The following WIPF3 variants were observed in gnomAD, a reference collection of about 807,000 sequenced individuals.
The protein encoded by WIPF3 is WAS/WASL interacting protein family member 3.
In WIPF3, 33 loss-of-function variants were observed where a neutral mutation model predicts 38.9. That is an observed-to-expected ratio of 0.85 (90% CI 0.64 to 1.14). The LOEUF is 1.14. WIPF3 is among the 50% of genes most tolerant of loss of function. WIPF3 has a pLI of 0.00. For synonymous variants in WIPF3, 324 were observed against 269.3 expected (o/e 1.20, Z -1.99); for missense variants, 711 against 652.5 (o/e 1.09, Z -0.98).
At chr7:29,825,314 C>G (rs1784599555) in intron 1 of WIPF3, among the ~76,000 whole-genome samples, 1 of 152,144 alleles carries the variant, frequency 6.6e-6, no homozygotes, top group Non-Finnish European at 1.5e-5. Flanking sequence ...CCTGCACACC[C>G]TGCACATGTA....
chr7:29,861,344 T>C (rs532192203), intron 2 of WIPF3, among the ~76,000 whole-genome samples: 1 of 152,292 alleles, frequency 6.6e-6, no homozygotes, highest in East Asian at 1.9e-4. Context: ...TTGCTTATAT[T>C]TGACCTTTTG....
chr7:29,840,205 G>T (rs967622142), intron 2 of WIPF3, among the ~76,000 whole-genome samples: 1 of 152,112 alleles, frequency 6.6e-6, no homozygotes, highest in Non-Finnish European at 1.5e-5. Context: ...CTCCTCTCGA[G>T]AACTTCCTGG....
intron 1 of WIPF3, among the ~76,000 whole-genome samples, chr7:29,834,402 A>G (rs1042461771): frequency 1.3e-5 from 2 of 152,144 alleles, no homozygotes; most frequent in African/African-American, 4.8e-5. Context: ...TGTATATTCT[A>G]TTTGTACTGA....
chr7:29,908,019 T>G (rs996819076), intron 8 of WIPF3, among the ~76,000 whole-genome samples: 1 of 152,190 alleles, frequency 6.6e-6, no homozygotes, highest in African/African-American at 2.4e-5. Context: ...CAGTAATTGC[T>G]TCAAATGCAA....
At chr7:29,870,929 C>T (rs1273652860) in intron 2 of WIPF3, among the ~76,000 whole-genome samples, 1 of 150,536 alleles carries the variant, frequency 6.6e-6, no homozygotes, top group Non-Finnish European at 1.5e-5. Flanking sequence ...TGCACTCCAG[C>T]CTGGGCAACA....
intron 1 of WIPF3, among the ~76,000 whole-genome samples, chr7:29,825,388 T>C (rs12531505): frequency 0.58 from 88,791 of 152,068 alleles, 26,176 homozygotes; most frequent in Middle Eastern, 0.65. Flanking sequence ...ATGCTTAAGG[T>C]TTACCTTGAT....
chr7:29,861,268 T>TG (rs1431545311), intron 2 of WIPF3, among the ~76,000 whole-genome samples: 1 of 152,142 alleles, frequency 6.6e-6, no homozygotes, highest in African/African-American at 2.4e-5. Flanking sequence ...TTGGTGATTC[T>TG]GGGGGGAGTG....
At chr7:29,854,130 G>A (rs1280573875) in intron 2 of WIPF3, among the ~76,000 whole-genome samples, 2 of 152,298 alleles carry the variant, frequency 1.3e-5, no homozygotes, top group African/African-American at 4.8e-5. Flanking sequence ...AGCTGCTCAG[G>A]AAATACGCAC....
At chr7:29,812,860 A>G (rs971863330) in intron 1 of WIPF3, among the ~76,000 whole-genome samples, 3 of 152,052 alleles carry the variant, frequency 2.0e-5, no homozygotes, top group Non-Finnish European at 2.9e-5. Flanking sequence ...TAAATGTTGT[A>G]CTCTTCTAGA....
chr7:29,825,143 G>T (rs1040668275), intron 1 of WIPF3, among the ~76,000 whole-genome samples: 1 of 152,106 alleles, frequency 6.6e-6, no homozygotes, highest in Non-Finnish European at 1.5e-5. Context: ...TAAAGAGGTG[G>T]TCATTCATTT....
chr7:29,847,868 A>G (rs895192611), intron 2 of WIPF3, among the ~76,000 whole-genome samples: 4 of 152,110 alleles, frequency 2.6e-5, no homozygotes, highest in African/African-American at 9.7e-5. Context: ...GAGGGGTTCT[A>G]GTTTCTGTGG....
At chr7:29,826,561 T>G (rs1784619664) in intron 1 of WIPF3, among the ~76,000 whole-genome samples, 1 of 152,198 alleles carries the variant, frequency 6.6e-6, no homozygotes, top group African/African-American at 2.4e-5. Flanking sequence ...TTATTATTAC[T>G]TTCCTTCTTT....
At chr7:29,849,647 C>T (rs1212260800) in intron 2 of WIPF3, among the ~76,000 whole-genome samples, 2 of 152,188 alleles carry the variant, frequency 1.3e-5, no homozygotes, top group African/African-American at 4.8e-5. Context: ...TTAAAGCCAA[C>T]TCTAAGAGAA....
intron 7 of WIPF3, among the ~76,000 whole-genome samples, chr7:29,892,733 C>T (rs559829156): frequency 6.6e-6 from 1 of 152,300 alleles, no homozygotes; most frequent in Admixed American, 6.5e-5. Flanking sequence ...TGATGAGATG[C>T]AGGTTGAGAC....
At chr7:29,905,068 C>T (rs974741371) in intron 8 of WIPF3, 1 of 152,204 alleles carries the variant, frequency 6.6e-6, no homozygotes, top group Admixed American at 6.5e-5. Flanking sequence ...TACAGAGTCA[C>T]TTGCAGTTAA....
At chr7:29,905,874 A>G (rs1382998746) in intron 8 of WIPF3, 1 of 152,054 alleles carries the variant, frequency 6.6e-6, no homozygotes, top group Non-Finnish European at 1.5e-5. Flanking sequence ...AAAGATGAAC[A>G]TTCAAAGGCT....
At position 29,904,336 on chromosome 7, in the gene WIPF3, G is replaced by A. The variant is rs759006079; in HGVS notation, c.1402G>A (p.Asp468Asn). Residue 468 changes from aspartate to asparagine, a missense_variant, in exon 8 of 9, where the codon GAT (aspartate) becomes AAT (asparagine). Coordinates refer to ENST00000242140, the MANE Select transcript of WIPF3 (RefSeq NM_001080529.3). ...AGCGGAAGCAGTCGGGCAGAGCTCT[G>A]ATGACATCAAAGGCAGAAATTCTCA... ...LQAEAVGQSS[D>N]DIKGRNSQLS... The A allele has an allele frequency of 1.9e-6, 3 of 1,613,956 alleles. No homozygotes were observed. The highest frequency in any genetic ancestry group is 2.2e-5 in the East Asian group (1 of 44,890).
chr7:29,862,397 G>A lies in WIPF3; in HGVS notation c.91-13433G>A, dbSNP rs907109588. 6.6e-5 allele frequency among the ~76,000 whole-genome samples: 10 copies of A among 152,184 alleles called. 1 individual carries two copies. Among genetic ancestry groups the A allele is most frequent in the Admixed American group, 6.5e-4 (10 of 15,284 alleles). ...AGGGCCAGGAAATGATAAAAGGTCA[G>A]TAAGACATGGGATAGTCGGCAAGGA... is the stretch of plus-strand genomic sequence containing the variant. On this transcript the variant is annotated intron_variant, in intron 2 of 8. Transcript: ENST00000242140.
At chr7:29,831,795 G>C (rs895480179) in intron 1 of WIPF3, among the ~76,000 whole-genome samples, 1 of 152,154 alleles carries the variant, frequency 6.6e-6, no homozygotes, top group African/African-American at 2.4e-5. Context: ...GAGAAAAGTC[G>C]TGGGCAGAAG....
Sources: allele counts gnomAD v4.1 joint callset (sites outside exome capture counted in the v4.1 genomes callset), GRCh38; gene constraint gnomAD v4.1.1; transcripts MANE v1.5; gene names NCBI Gene and HGNC (gene_info 2026-07-23, HGNC 2026-07-21).